The following NBEA variants were observed in gnomAD, a reference collection of about 807,000 sequenced individuals.
NBEA encodes the protein neurobeachin.
In NBEA, 44 loss-of-function variants were observed where a neutral mutation model predicts 343.4. The ratio of observed to expected loss-of-function variants is 0.13; its 90% CI spans 0.10 to 0.16. NBEA has a LOEUF of 0.16. Among genes scored for constraint, NBEA ranks in the 10% least tolerant of loss-of-function variants. The probability of loss-of-function intolerance (pLI) is 1.00; values close to 1 mark genes in which losing one functional copy is unlikely to be tolerated. For synonymous variants in NBEA, 1,175 were observed against 1,238.7 expected (o/e 0.95, Z 1.08); for missense variants, 2,555 against 3,631.3 (o/e 0.70, Z 7.62).
intron 34 of NBEA, among the ~76,000 whole-genome samples, chr13:35,267,738 G>C (rs1366909718): frequency 1.3e-5 from 2 of 150,978 alleles, no homozygotes; most frequent in Non-Finnish European, 3.0e-5. Flanking sequence ...ATAAGCACAT[G>C]AAAAGATATT....
intron 41 of NBEA, among the ~76,000 whole-genome samples, chr13:35,479,476 C>G (rs2076031964): frequency 6.6e-6 from 1 of 152,056 alleles, no homozygotes; most frequent in African/African-American, 2.4e-5. Context: ...TTTTCCATCC[C>G]CGAAATTTTT....
At chr13:34,980,554 A>T (rs1047392484) in intron 1 of NBEA, among the ~76,000 whole-genome samples, 1 of 152,030 alleles carries the variant, frequency 6.6e-6, no homozygotes, top group Non-Finnish European at 1.5e-5. Flanking sequence ...CTAATGCAAC[A>T]TTCTGAAGAG....
chr13:35,381,135 A>G (rs1043137574), intron 38 of NBEA, among the ~76,000 whole-genome samples: 1 of 152,212 alleles, frequency 6.6e-6, no homozygotes, highest in Non-Finnish European at 1.5e-5. Flanking sequence ...ATGACTTTTC[A>G]GACTGTAAAC....
At chr13:35,660,513 G>A (rs1014604452) in intron 55 of NBEA, among the ~76,000 whole-genome samples, 5 of 152,140 alleles carry the variant, frequency 3.3e-5, no homozygotes, top group Non-Finnish European at 5.9e-5. Flanking sequence ...GCATTATGCA[G>A]ACTGTCAAAG....
intron 38 of NBEA, among the ~76,000 whole-genome samples, chr13:35,388,237 G>A (rs1410764697): frequency 1.3e-5 from 2 of 152,080 alleles, no homozygotes; most frequent in South Asian, 2.1e-4. Flanking sequence ...GAATAATTAT[G>A]TAAAGAAATT....
chr13:35,342,895 G>A (rs1181374170), intron 36 of NBEA, among the ~76,000 whole-genome samples: 1 of 148,492 alleles, frequency 6.7e-6, no homozygotes, highest in African/African-American at 2.5e-5. Context: ...TTAAAGTATT[G>A]GGCTAGAATT....
chr13:35,055,831 G>C (rs2063236389), intron 6 of NBEA, among the ~76,000 whole-genome samples, 179 bp from the exon 7 acceptor site: 1 of 152,068 alleles, frequency 6.6e-6, no homozygotes, highest in African/African-American at 2.4e-5. Context: ...TATTCTTTAT[G>C]TGCCACTTCT....
At chr13:35,569,488 TA>T (rs1311119385) in intron 45 of NBEA, among the ~76,000 whole-genome samples, 2 of 152,238 alleles carry the variant, frequency 1.3e-5, no homozygotes, top group Non-Finnish European at 2.9e-5. Context: ...TCTTTTTATT[TA>T]AAATCAACTG....
At chr13:35,208,085 T>G (rs2073516127) in intron 31 of NBEA, among the ~76,000 whole-genome samples, 1 of 152,016 alleles carries the variant, frequency 6.6e-6, no homozygotes, top group African/African-American at 2.4e-5. Context: ...CTGAGTGTGG[T>G]GGCACGTAGC....
At chr13:35,310,580 T>C (rs1438591923) in intron 36 of NBEA, among the ~76,000 whole-genome samples, 2 of 152,216 alleles carry the variant, frequency 1.3e-5, no homozygotes, top group Admixed American at 1.3e-4. Flanking sequence ...GGTAAATAGT[T>C]GTTAATTATT....
At chr13:35,636,860 G>A (rs368503580) in intron 49 of NBEA, among the ~76,000 whole-genome samples, 5 of 152,158 alleles carry the variant, frequency 3.3e-5, no homozygotes, top group African/African-American at 1.2e-4. Context: ...TCGCTTCCAG[G>A]TAGGCGAATC....
chr13:35,458,823 T>G (rs1418303203), intron 40 of NBEA, among the ~76,000 whole-genome samples: 1 of 151,956 alleles, frequency 6.6e-6, no homozygotes, highest in Non-Finnish European at 1.5e-5. Flanking sequence ...ACTGTTACTG[T>G]AAAAAAAATT....
intron 1 of NBEA, among the ~76,000 whole-genome samples, chr13:35,000,190 G>T (rs2152523663): frequency 6.6e-6 from 1 of 152,232 alleles, no homozygotes; most frequent in South Asian, 2.1e-4. Context: ...ATTGCTGAAA[G>T]AATTATTAAT....
chr13:35,563,695 T>C (rs9574128), intron 44 of NBEA, among the ~76,000 whole-genome samples: 10,757 of 151,894 alleles, frequency 0.071, 635 homozygotes, highest in East Asian at 0.22. Context: ...TAAAATTTTC[T>C]TTTTAGCACT....
intron 17 of NBEA, among the ~76,000 whole-genome samples, chr13:35,128,896 T>C (rs536025614): frequency 1.3e-5 from 2 of 152,162 alleles, no homozygotes; most frequent in South Asian, 4.1e-4. Flanking sequence ...TTCACCCTAC[T>C]TAATGGAAGA....
intron 48 of NBEA, among the ~76,000 whole-genome samples, chr13:35,625,466 C>G (rs544071876): frequency 1.9e-4 from 29 of 151,986 alleles, no homozygotes; most frequent in African/African-American, 6.5e-4. Flanking sequence ...TACAAAAATA[C>G]AAAAATTAGC....
chr13:35,624,055 GGT>G (rs10561419), intron 48 of NBEA, among the ~76,000 whole-genome samples: 34,324 of 147,222 alleles, frequency 0.23, 4,244 homozygotes, highest in East Asian at 0.44. Flanking sequence ...TGTGTGTGTG[GGT>G]GTGTGTGTGT....
At chr13:34,974,023 T>C (rs993762780) in intron 1 of NBEA, among the ~76,000 whole-genome samples, 12 of 152,124 alleles carry the variant, frequency 7.9e-5, no homozygotes, top group Non-Finnish European at 1.5e-4. Flanking sequence ...AAGGGATCTC[T>C]CCTGACCTGA....
intron 17 of NBEA, among the ~76,000 whole-genome samples, chr13:35,141,353 A>G (rs891373319): frequency 1.3e-5 from 2 of 151,848 alleles, no homozygotes; most frequent in East Asian, 3.9e-4. Flanking sequence ...TGCAACCTCC[A>G]CCTCCCAGGT....
Sources: allele counts gnomAD v4.1 joint callset (sites outside exome capture counted in the v4.1 genomes callset), GRCh38; gene constraint gnomAD v4.1.1; transcripts MANE v1.5; gene names NCBI Gene and HGNC (gene_info 2026-07-23, HGNC 2026-07-21).